RIMS1: variants seen among roughly 807,000 people sequenced by gnomAD.
RIMS1 encodes regulating synaptic membrane exocytosis 1, also known as regulating synaptic membrane exocytosis protein 1.
In RIMS1, 83 loss-of-function variants were observed where a neutral mutation model predicts 214.1. The observed-to-expected ratio is 0.39, with a 90% CI of 0.32 to 0.47. The LOEUF is 0.47. Among genes scored for constraint, RIMS1 ranks in the 20% least tolerant of loss-of-function variants. The pLI, the probability that RIMS1 is intolerant of heterozygous loss-of-function variation, is 0.99. For missense variants in RIMS1, 2,050 were observed against 2,161.8 expected, an observed-to-expected ratio of 0.95 and a Z score of 1.03; for synonymous variants, 793 against 786.8, an observed-to-expected ratio of 1.01 and a Z score of -0.13.
chr6:72,097,559 G>A (rs890214621), intron 3 of RIMS1, among the ~76,000 whole-genome samples: 3 of 152,078 alleles, frequency 2.0e-5, no homozygotes, highest in South Asian at 2.1e-4. Context: ...TTGAATGCAC[G>A]TAAAATGCAA....
At chr6:72,120,422 T>C (rs1022028482) in intron 4 of RIMS1, among the ~76,000 whole-genome samples, 7 of 152,004 alleles carry the variant, frequency 4.6e-5, no homozygotes, top group Admixed American at 6.6e-5. Flanking sequence ...GAGCATTTTT[T>C]CATGTGTTTG....
chr6:72,298,592 CCT>C (rs1483632643), intron 26 of RIMS1, among the ~76,000 whole-genome samples: 6 of 151,942 alleles, frequency 3.9e-5, no homozygotes, highest in Non-Finnish European at 7.4e-5. Flanking sequence ...TTTTTTCACC[CCT>C]GTTTTATTGA....
chr6:72,022,615 A>G (rs746022404), intron 2 of RIMS1, among the ~76,000 whole-genome samples: 1 of 152,226 alleles, frequency 6.6e-6, no homozygotes, highest in South Asian at 2.1e-4. Context: ...TACATTATGC[A>G]GAAAACCTTG....
intron 1 of RIMS1, among the ~76,000 whole-genome samples, chr6:71,928,078 G>A (rs1343437237): frequency 2.0e-5 from 3 of 152,092 alleles, no homozygotes; most frequent in East Asian, 1.9e-4. Context: ...GTTAGTGTAC[G>A]AATGAAAAGA....
chr6:71,947,741 G>A (rs1657786725), intron 1 of RIMS1, among the ~76,000 whole-genome samples: 1 of 152,068 alleles, frequency 6.6e-6, no homozygotes, highest in Admixed American at 6.6e-5. Flanking sequence ...AAGGCATATA[G>A]TTTAGCCACT....
chr6:71,889,237 G>A lies in RIMS1; in HGVS notation c.164+2050G>A, dbSNP rs148366709. Among the ~76,000 whole-genome samples the A allele has an allele frequency of 2.0e-3, 305 of 152,288 alleles. 1 individual carries two copies. The highest frequency in any genetic ancestry group is 6.9e-3 in the African/African-American group (285 of 41,560). On this transcript the variant is annotated intron_variant, in intron 1 of 33. Coordinates refer to ENST00000521978, the MANE Select transcript of RIMS1 (RefSeq NM_014989.7). ...GGCTGTCTCAAGCATGGTGGAGAGT[G>A]AGGGATTTTAAGTGGGAGTGGGTGA...
At chr6:72,030,789 C>G (rs1817859364) in intron 2 of RIMS1, among the ~76,000 whole-genome samples, 1 of 152,086 alleles carries the variant, frequency 6.6e-6, no homozygotes. Flanking sequence ...ACATTACTTT[C>G]AATTGCTAAC....
intron 2 of RIMS1, among the ~76,000 whole-genome samples, chr6:72,083,952 G>A (rs1208533690): frequency 6.6e-6 from 1 of 152,194 alleles, no homozygotes; most frequent in African/African-American, 2.4e-5. Flanking sequence ...GTTGTATAAT[G>A]TAGTTGGGTT....
intron 12 of RIMS1, among the ~76,000 whole-genome samples, chr6:72,248,406 A>G (rs1455309027): frequency 2.0e-5 from 3 of 152,172 alleles, no homozygotes; most frequent in Non-Finnish European, 4.4e-5. Flanking sequence ...TTTGTGTGCT[A>G]TGTAAAAGTT....
chr6:72,001,375 C>G (rs1562073276), intron 2 of RIMS1, among the ~76,000 whole-genome samples: 1 of 152,154 alleles, frequency 6.6e-6, no homozygotes, highest in Non-Finnish European at 1.5e-5. Flanking sequence ...TTGCAGTTCA[C>G]ATATAATCTC....
chr6:72,333,627 A>T lies in RIMS1; in HGVS notation c.4158A>T (p.Arg1386Ser), dbSNP rs905742345. The T allele has an allele frequency of 1.9e-6, 3 of 1,594,202 alleles. No homozygotes were observed. In the African/African-American group the frequency reaches 4.0e-5, roughly 21 times the overall value. ...ISSFTPKMQG[R>S]RMGTSGRSIM... is the part of the protein sequence containing the mutation. ...CATTTACCCCCAAAATGCAAGGCAG[A>T]CGGATGGGGACTTCAGGAAGATCCA... Residue 1386 changes from arginine (R) to serine (S), a missense_variant, in exon 29 of 34, where the codon AGA becomes AGT. Physicochemically the swap from Arg to Ser is moderately radical, Grantham distance 110 (BLOSUM62 -1). This residue lies in a region of RIMS1 where 889 missense variants were observed against 885.5 expected (regional missense o/e 1.00). Transcript: ENST00000521978.
chr6:72,097,797 A>G (rs2153805226), intron 3 of RIMS1, among the ~76,000 whole-genome samples: 1 of 152,332 alleles, frequency 6.6e-6, no homozygotes, highest in East Asian at 1.9e-4. Flanking sequence ...CTGTTATGCC[A>G]GTACTTTAAA....
intron 23 of RIMS1, among the ~76,000 whole-genome samples, chr6:72,277,589 A>C (rs2087258193): frequency 6.6e-6 from 1 of 151,932 alleles, no homozygotes. Context: ...CTCAAAAAAA[A>C]AAAAAGAATA....
At chr6:72,233,989 A>C (rs2063066024) in intron 7 of RIMS1, 149 bp downstream of exon 7, 1 of 527,240 alleles carries the variant, frequency 1.9e-6, no homozygotes, top group Non-Finnish European at 3.4e-6. Context: ...GAAGAAAAAA[A>C]GTTATTACTG....
Position 72,134,829 on chromosome 6 carries a change from C to T in RIMS1, c.471+34843C>T, listed in dbSNP as rs551149383. Among the ~76,000 whole-genome samples the T allele has an allele frequency of 1.9e-4, 29 of 152,202 alleles. No individual in the cohort carries two copies. In the South Asian group the frequency reaches 5.2e-3, roughly 27 times the overall value. On this transcript the variant is annotated intron_variant, in intron 4 of 33. Coordinates refer to ENST00000521978, the MANE Select transcript of RIMS1 (RefSeq NM_014989.7). Reference sequence around the variant, plus strand: ...ATTCTCCCTCATCTCAAGGACAACACACTTAATGGATAGACAAACATGAAC... The same window carrying T: ...ATTCTCCCTCATCTCAAGGACAACATACTTAATGGATAGACAAACATGAAC...
chr6:72,282,876 T>C (rs544965243), intron 23 of RIMS1, among the ~76,000 whole-genome samples: 33 of 152,148 alleles, frequency 2.2e-4, no homozygotes, highest in African/African-American at 7.9e-4. Flanking sequence ...CAGATTAACA[T>C]GAGTCTGAAA....
intron 6 of RIMS1, among the ~76,000 whole-genome samples, chr6:72,221,123 C>T (rs958013601): frequency 2.6e-5 from 4 of 152,012 alleles, no homozygotes; most frequent in African/African-American, 9.7e-5. Flanking sequence ...AGTCTTTAAA[C>T]GTAATATCTT....
At chr6:72,049,625 T>C (rs543498717) in intron 2 of RIMS1, among the ~76,000 whole-genome samples, 45 of 152,268 alleles carry the variant, frequency 3.0e-4, no homozygotes, top group African/African-American at 1.1e-3. Flanking sequence ...CAACATAAAA[T>C]AAGTTCTTAC....
In RIMS1 at chr6:72,183,839, C is replaced by T. The variant is rs188495957; in HGVS notation, c.1678+690C>T. On this transcript the variant is annotated intron_variant, in intron 6 of 33. Coordinates refer to ENST00000521978, the MANE Select transcript of RIMS1 (RefSeq NM_014989.7). Reference sequence around the variant, plus strand: ...ATATATAGATACTAGTCTGTTTTATCATTTGCTATCATAAAATGTACATGA... The same window carrying T: ...ATATATAGATACTAGTCTGTTTTATTATTTGCTATCATAAAATGTACATGA... 4.8e-3 allele frequency among the ~76,000 whole-genome samples: 720 copies of T among 151,442 alleles called. 4 individuals are homozygous for T. Among genetic ancestry groups the T allele is most frequent in the Middle Eastern group, 0.01 (3 of 294 alleles).
Sources: gnomAD v4.1 joint callset for allele counts (sites outside exome capture counted in the v4.1 genomes callset) on GRCh38, gnomAD v4.1.1 for gene constraint, gnomAD v4.1.1 regional missense constraint, MANE v1.5 for transcripts, NCBI Gene and HGNC (gene_info 2026-07-23, HGNC 2026-07-21) for gene names.